Variants in SIPA1L1 observed in about 807,000 individuals in gnomAD.
SIPA1L1 encodes signal-induced proliferation-associated 1-like protein 1.
Under a neutral mutation model 162.7 loss-of-function variants are expected in SIPA1L1, and 26 were observed. That is an observed-to-expected ratio of 0.16 (90% CI 0.12 to 0.22). The LOEUF is 0.22. SIPA1L1 is among the 10% of genes least tolerant of loss of function. The pLI, the probability that SIPA1L1 is intolerant of heterozygous loss-of-function variation, is 1.00. For synonymous variants in SIPA1L1, 829 were observed against 837.4 expected, an observed-to-expected ratio of 0.99 and a Z score of 0.17; for missense variants, 1,874 against 2,241.0, an observed-to-expected ratio of 0.84 and a Z score of 3.31.
intron 3 of SIPA1L1, among the ~76,000 whole-genome samples, chr14:71,513,969 G>C (rs2144529052): frequency 1.3e-5 from 2 of 152,228 alleles, no homozygotes; most frequent in Middle Eastern, 3.4e-3. Flanking sequence ...TTCATTACCG[G>C]CGGCGAATCC....
intron 2 of SIPA1L1, among the ~76,000 whole-genome samples, chr14:71,433,280 T>A (rs2044134410): frequency 6.6e-6 from 1 of 152,206 alleles, no homozygotes; most frequent in Non-Finnish European, 1.5e-5. Context: ...ATTTGCAAGA[T>A]TAGATTATCA....
chr14:71,494,123 G>C (rs1214343485), intron 2 of SIPA1L1, among the ~76,000 whole-genome samples: 1 of 152,118 alleles, frequency 6.6e-6, no homozygotes, highest in Non-Finnish European at 1.5e-5. Flanking sequence ...GTTTTATTTT[G>C]TTTTGCCTTC....
intron 7 of SIPA1L1, 32 bp downstream of exon 7, chr14:71,624,268 G>T: frequency 6.4e-7 from 1 of 1,566,046 alleles, no homozygotes; most frequent in Non-Finnish European, 8.7e-7. Flanking sequence ...GAGCATTCTT[G>T]CTCAGGTTTA....
intron 2 of SIPA1L1, among the ~76,000 whole-genome samples, chr14:71,504,985 A>G (rs182257014): frequency 1.1e-3 from 161 of 152,266 alleles, no homozygotes; most frequent in African/African-American, 3.7e-3. Flanking sequence ...ATGAAAAGCC[A>G]TGTTGTGCTT....
At chr14:71,517,102 GGTTTT>G (rs1370935100) in intron 3 of SIPA1L1, among the ~76,000 whole-genome samples, 1 of 151,298 alleles carries the variant, frequency 6.6e-6, no homozygotes, top group Non-Finnish European at 1.5e-5. Flanking sequence ...TGACATCTAT[GGTTTT>G]GTTTTATTTC....
intron 4 of SIPA1L1, among the ~76,000 whole-genome samples, chr14:71,570,715 G>T (rs143964904): frequency 7.9e-5 from 12 of 152,040 alleles, no homozygotes; most frequent in Non-Finnish European, 1.6e-4. Flanking sequence ...AAGATGAAAT[G>T]GAAACATAAA....
intron 2 of SIPA1L1, among the ~76,000 whole-genome samples, chr14:71,479,329 G>A (rs1028470718): frequency 7.5e-6 from 1 of 133,846 alleles, no homozygotes; most frequent in African/African-American, 3.0e-5. Flanking sequence ...ATGTGTGTGT[G>A]TATGTAGGTA....
Position 71,671,312 on chromosome 14 carries a change from G to A in SIPA1L1, c.2449G>A (p.Ala817Thr). 6.2e-7 allele frequency: 1 copy of A among 1,614,206 alleles called. No homozygotes were observed. Among genetic ancestry groups the A allele is most frequent in the South Asian group, 1.1e-5 (1 of 91,080 alleles). Residue 817 changes from alanine to threonine, a missense_variant, in exon 11 of 24, where the codon GCA (alanine) becomes ACA (threonine). Around this residue, in one of 5 missense-constraint regions of SIPA1L1, gnomAD observed 243 missense variants for 315.0 expected, o/e 0.77. Coordinates refer to ENST00000381232, the MANE Select transcript of SIPA1L1 (RefSeq NM_001386936.1). ...CCGCCAGGAATACCTGAAAGATCTG[G>A]CAGAAAAGAATGTCACCAACACCCC... ...RTRQEYLKDL[A>T]EKNVTNTPID...
At chr14:71,453,731 C>G (rs543301879) in intron 2 of SIPA1L1, among the ~76,000 whole-genome samples, 1 of 152,082 alleles carries the variant, frequency 6.6e-6, no homozygotes, top group African/African-American at 2.4e-5. Flanking sequence ...CAGTGGCTCA[C>G]GCCTGTAATC....
chr14:71,661,194 A>T (rs1251287406), intron 9 of SIPA1L1, 116 bp from the exon 10 acceptor site: 17 of 1,020,984 alleles, frequency 1.7e-5, no homozygotes, highest in Non-Finnish European at 2.2e-5. Context: ...TAGATTACCT[A>T]CCTTCATGTG....
intron 2 of SIPA1L1, among the ~76,000 whole-genome samples, chr14:71,361,334 G>A (rs1425098122): frequency 1.3e-5 from 2 of 152,046 alleles, no homozygotes; most frequent in African/African-American, 4.8e-5. Context: ...TGGTAATGGG[G>A]TATTGGGTCT....
At position 71,661,393 on chromosome 14, in the gene SIPA1L1, C is replaced by T. The variant is rs199923103; in HGVS notation, c.2181C>T (p.Asn727=). The change falls in exon 10 of 24, where the codon AAC becomes AAT. Residue 727 remains asparagine, a synonymous_variant. Coordinates refer to ENST00000381232, the MANE Select transcript of SIPA1L1 (RefSeq NM_001386936.1). ...EPGAQPFSPK[N]IRSHFQHVFV... The stretch of plus-strand genomic sequence containing the variant: ...GAGCACAGCCATTCAGCCCAAAAAA[C>T]ATCCGATCCCACTTCCAGCACGTTT... 568 of 1,613,902 alleles carry T rather than the reference C, an allele frequency of 3.5e-4. No individual in the cohort carries two copies. Among genetic ancestry groups the T allele is most frequent in the Non-Finnish European group, 4.6e-4 (537 of 1,179,958 alleles).
At chr14:71,348,682 CAA>C (rs925007279) in intron 2 of SIPA1L1, among the ~76,000 whole-genome samples, 3 of 151,672 alleles carry the variant, frequency 2.0e-5, no homozygotes, top group African/African-American at 7.2e-5. Flanking sequence ...AGCTTTAAAA[CAA>C]AGTGATAACT....
intron 4 of SIPA1L1, among the ~76,000 whole-genome samples, chr14:71,584,683 A>C (rs1003846407): frequency 6.6e-6 from 1 of 152,242 alleles, no homozygotes; most frequent in Admixed American, 6.5e-5. Flanking sequence ...AATTGAACTC[A>C]TTGAACTAAA....
intron 2 of SIPA1L1, among the ~76,000 whole-genome samples, chr14:71,391,595 T>G (rs1310748534): frequency 6.6e-6 from 1 of 152,210 alleles, no homozygotes; most frequent in Non-Finnish European, 1.5e-5. Flanking sequence ...GGTCCTGTAG[T>G]TCTGTAAAGG....
intron 4 of SIPA1L1, among the ~76,000 whole-genome samples, chr14:71,566,605 A>G (rs1327420061): frequency 6.6e-6 from 1 of 152,252 alleles, no homozygotes; most frequent in Non-Finnish European, 1.5e-5. Flanking sequence ...GACATTGTAT[A>G]CAAGTCAGTA....
intron 2 of SIPA1L1, among the ~76,000 whole-genome samples, chr14:71,346,532 A>C (rs922628820): frequency 6.6e-6 from 1 of 152,210 alleles, no homozygotes; most frequent in African/African-American, 2.4e-5. Flanking sequence ...GAACTGTAGA[A>C]GAGAGTATGG....
At chr14:71,372,476 C>T (rs560435791) in intron 2 of SIPA1L1, among the ~76,000 whole-genome samples, 2 of 152,174 alleles carry the variant, frequency 1.3e-5, no homozygotes, top group South Asian at 4.2e-4. Flanking sequence ...ATTTACAATT[C>T]GCTATTTCTG....
chr14:71,396,258 C>T (rs1423786919), intron 2 of SIPA1L1, among the ~76,000 whole-genome samples: 3 of 152,090 alleles, frequency 2.0e-5, no homozygotes, highest in Admixed American at 2.0e-4. Flanking sequence ...CCTTCTCTGC[C>T]CTCTTGAAGT....
Sources: allele counts gnomAD v4.1 joint callset (sites outside exome capture counted in the v4.1 genomes callset), GRCh38; gene constraint gnomAD v4.1.1; regional missense constraint gnomAD v4.1.1; transcripts MANE v1.5; gene names NCBI Gene and HGNC (gene_info 2026-07-23, HGNC 2026-07-21).